Variants in FAM228B observed in about 807,000 individuals in gnomAD.
FAM228B encodes the protein family with sequence similarity 228 member B.
Under a neutral mutation model 42.6 loss-of-function variants are expected in FAM228B, and 38 were observed. That is an observed-to-expected ratio of 0.89 (90% CI 0.69 to 1.17). The LOEUF is 1.17. Ranked by LOEUF, FAM228B falls within the 50% of genes most tolerant of loss-of-function variation. The pLI is 0.00. For missense variants in FAM228B, 344 were observed against 367.3 expected (o/e 0.94, Z 0.52); for synonymous variants, 109 against 122.3 (o/e 0.89, Z 0.72).
At chr2:24,114,991 C>A (rs10200481) in intron 3 of FAM228B, among the ~76,000 whole-genome samples, 18,107 of 152,152 alleles carry the variant, frequency 0.12, 1,257 homozygotes, top group South Asian at 0.18. Flanking sequence ...GTGAAATGTC[C>A]ATTGAATACC....
chr2:24,157,441 T>TA (rs543021461), intron 7 of FAM228B, among the ~76,000 whole-genome samples: 13 of 150,314 alleles, frequency 8.6e-5, no homozygotes, highest in South Asian at 8.5e-4. Context: ...CATGGAAAGT[T>TA]AAAAAAAAAA....
In FAM228B at chr2:24,147,916, CTTT is replaced by C. The variant is rs34823316; in HGVS notation, c.686+844_686+846del. Among the ~76,000 whole-genome samples the C allele has an allele frequency of 1.7e-3, 202 of 119,172 alleles. 1 individual carries two copies. The highest frequency in any genetic ancestry group is 5.5e-3 in the African/African-American group (177 of 32,230). The allele number at this position is 119,172 out of a possible 152,430, so 78.2% of individuals were successfully genotyped here. On this transcript the variant is annotated intron_variant, in intron 7 of 10. Coordinates refer to ENST00000615575, the MANE Select transcript of FAM228B (RefSeq NM_001145710.2). ...TTGACAATGGCTTGTTTTGCCTTGC[CTTT>C]TTTTTTTTTTTTTGCATGTCTTGTA...
chr2:24,135,776 A>G (rs868642152), intron 3 of FAM228B, among the ~76,000 whole-genome samples: 3 of 152,112 alleles, frequency 2.0e-5, no homozygotes, highest in Non-Finnish European at 2.9e-5. Flanking sequence ...TTCATTTTGA[A>G]TTTCACGCTC....
chr2:24,117,062 C>T (rs1027483042), intron 3 of FAM228B, among the ~76,000 whole-genome samples: 1 of 143,980 alleles, frequency 6.9e-6, no homozygotes, highest in African/African-American at 2.6e-5. Flanking sequence ...GTCATCCAGG[C>T]TGGAGTGCAG....
At chr2:24,139,909 A>C (rs1666704815) in intron 5 of FAM228B, among the ~76,000 whole-genome samples, 1 of 152,206 alleles carries the variant, frequency 6.6e-6, no homozygotes, top group African/African-American at 2.4e-5. Flanking sequence ...ATTTGGTTTT[A>C]TAATGAGCTT....
intron 2 of FAM228B, among the ~76,000 whole-genome samples, chr2:24,129,592 T>C (rs888741564): frequency 5.3e-5 from 8 of 152,140 alleles, no homozygotes; most frequent in African/African-American, 1.9e-4. Flanking sequence ...CTGACTATTT[T>C]TATGTCATCT....
At chr2:24,156,462 G>A (rs942592928) in intron 7 of FAM228B, among the ~76,000 whole-genome samples, 5 of 151,930 alleles carry the variant, frequency 3.3e-5, no homozygotes, top group South Asian at 2.1e-4. Context: ...GTGAAATCCC[G>A]TCTCTACTAA....
Position 24,080,794 on chromosome 2 carries a change from C to T in FAM228B, c.-289-82C>T, listed in dbSNP as rs1398892867. 1 of 1,613,178 alleles carries T rather than the reference C, an allele frequency of 6.2e-7. No homozygotes were observed. Among genetic ancestry groups the T allele is most frequent in the South Asian group, 1.1e-5 (1 of 91,044 alleles). ...TATTTAATCATCTCTTAAATTCCTG[C>T]TGAACTGTAGAAGCAGTTGTTTACC... On this transcript the variant is annotated intron_variant, in intron 1 of 10. Transcript: ENST00000613899. This position sits in a 1 kb window ranked among gnomAD's most constrained non-coding sequence, Gnocchi z 4.7.
intron 1 of FAM228B, chr2:24,079,402 T>C: frequency 6.2e-7 from 1 of 1,602,004 alleles, no homozygotes; most frequent in Non-Finnish European, 8.5e-7. Context: ...AACCACACTT[T>C]TCTGGGTTAA....
intron 2 of FAM228B, chr2:24,082,961 T>C (rs1346757105): frequency 3.7e-6 from 6 of 1,613,974 alleles, no homozygotes; most frequent in Non-Finnish European, 5.1e-6. Context: ...TCAATCCCTC[T>C]GGGATAGGCA....
chr2:24,137,064 C>T (rs1666608559), intron 3 of FAM228B, among the ~76,000 whole-genome samples: 1 of 152,180 alleles, frequency 6.6e-6, no homozygotes. Context: ...TTGGCATACT[C>T]TTTTCAAAGT....
In FAM228B at chr2:24,080,647, T is replaced by A. The variant is rs1182689467; in HGVS notation, c.-289-229T>A. On this transcript the variant is annotated intron_variant, in intron 1 of 10. Coordinates refer to the FAM228B transcript ENST00000613899. The surrounding 1 kb of genome is among the most constrained non-coding windows in gnomAD (Gnocchi z 4.7). Reference sequence around the variant, plus strand: ...ATGGAAACCATCTTAGATTTAAATATGACTGCCTGTCTCCAGTGGTCAAAT... The same window carrying A: ...ATGGAAACCATCTTAGATTTAAATAAGACTGCCTGTCTCCAGTGGTCAAAT... 1 of 715,532 alleles carries A rather than the reference T, an allele frequency of 1.4e-6. No homozygotes were observed. The highest frequency in any genetic ancestry group is 2.5e-5 in the East Asian group (1 of 40,438). The allele number at this position is 715,532 out of a possible 1,614,324, so 44.3% of individuals were successfully genotyped here.
chr2:24,099,346 A>T (rs1665562480), intron 3 of FAM228B, among the ~76,000 whole-genome samples: 1 of 152,240 alleles, frequency 6.6e-6, no homozygotes, highest in South Asian at 2.1e-4. Context: ...CTGTTTGCAG[A>T]TGACATGATT....
intron 1 of FAM228B, chr2:24,079,478 A>C: frequency 6.2e-7 from 1 of 1,614,212 alleles, no homozygotes; most frequent in Non-Finnish European, 8.5e-7. Flanking sequence ...ACTGGTGATC[A>C]GACTTCCTCG....
intron 2 of FAM228B, chr2:24,081,098 C>T (rs1304487668): frequency 7.6e-7 from 1 of 1,309,630 alleles, no homozygotes; most frequent in Non-Finnish European, 1.0e-6. Flanking sequence ...CAGGCATATT[C>T]TATCAAGATC....
rs1666905951 is a variant in FAM228B, at chr2:24,146,831, G to C, written c.525G>C (p.Glu175Asp). The change falls in exon 6 of 11, where the codon GAG (glutamate) becomes GAC (aspartate). Residue 175 changes from glutamate (E) to aspartate (D), a missense_variant. By Grantham distance (45) the Glu-to-Asp change is conservative (BLOSUM62 2). Transcript: ENST00000615575. ...DNEKRTLLQC[E>D]TGKIYSIKEF... ...AAAAAAGAACTCTTCTTCAGTGTGA[G>C]ACTGGTACTTAGTTCCTAATTGTTA... 1 of 1,545,748 alleles carries C rather than the reference G, an allele frequency of 6.5e-7. No individual in the cohort carries two copies. Among genetic ancestry groups the C allele is most frequent in the African/African-American group, 1.4e-5 (1 of 73,036 alleles).
intron 8 of FAM228B, among the ~76,000 whole-genome samples, chr2:24,162,486 G>A (rs1667308917): frequency 6.6e-6 from 1 of 152,174 alleles, no homozygotes; most frequent in Non-Finnish European, 1.5e-5. Context: ...AATGTAAAAT[G>A]GTGCAGCAAC....
At chr2:24,150,282 G>A (rs1159243714) in intron 7 of FAM228B, among the ~76,000 whole-genome samples, 3 of 152,166 alleles carry the variant, frequency 2.0e-5, no homozygotes, top group Non-Finnish European at 4.4e-5. Context: ...TATAGGATAG[G>A]TTTGGTGTTG....
At chr2:24,122,372 A>C (rs1558379884), upstream of FAM228B, 1 of 1,336,126 alleles carries the variant, frequency 7.5e-7, no homozygotes, top group Admixed American at 2.0e-5. Flanking sequence ...GGAAGAATAG[A>C]AATAATAAGT....
Sources: allele counts gnomAD v4.1 joint callset (sites outside exome capture counted in the v4.1 genomes callset), GRCh38; gene constraint gnomAD v4.1.1; non-coding constraint Gnocchi (gnomAD v3.1); transcripts MANE v1.5; gene names NCBI Gene and HGNC (gene_info 2026-07-23, HGNC 2026-07-21).